TASOR2: variants seen among roughly 807,000 people sequenced by gnomAD.
TASOR2 encodes transcription activation suppressor family member 2, also known as protein TASOR 2.
A neutral mutation model predicts 199.5 loss-of-function variants in TASOR2; 84 were observed. The observed-to-expected ratio is 0.42, with a 90% CI of 0.35 to 0.50. TASOR2 has a LOEUF of 0.50. TASOR2 is among the 20% of genes least tolerant of loss of function. TASOR2 has a pLI of 0.02. For missense variants in TASOR2, 2,796 were observed against 2,835.9 expected, an observed-to-expected ratio of 0.99 and a Z score of 0.32; for synonymous variants, 1,103 against 1,046.6, an observed-to-expected ratio of 1.05 and a Z score of -1.04.
chr10:5,760,120 C>G (rs187732584), intron 18 of TASOR2, among the ~76,000 whole-genome samples: 33 of 152,294 alleles, frequency 2.2e-4, no homozygotes, highest in East Asian at 1.3e-3. Context: ...CTTACACAAA[C>G]TGATATGGTA....
In TASOR2 at chr10:5,716,823, G is replaced by C. The variant is rs114042925; in HGVS notation, c.-191-836G>C. 6.7e-3 allele frequency among the ~76,000 whole-genome samples: 1,014 copies of C among 151,862 alleles called. 19 individuals carry two copies. The highest frequency in any genetic ancestry group is 0.023 in the African/African-American group (968 of 41,440). On this transcript the variant is annotated intron_variant, in intron 2 of 20. Transcript: ENST00000328090. ...CCAGCTACTCAGGTGGCCAAGACTC[G>C]AGAGTTGCTTGAACTTGGGAGGCAG...
intron 11 of TASOR2, among the ~76,000 whole-genome samples, chr10:5,734,367 C>G (rs1051536065): frequency 2.0e-5 from 3 of 152,026 alleles, no homozygotes; most frequent in African/African-American, 7.3e-5. Flanking sequence ...TGCACACTTT[C>G]CTCAGGCTTC....
At chr10:5,704,937 T>C (rs1838383764) in intron 1 of TASOR2, among the ~76,000 whole-genome samples, 1 of 152,230 alleles carries the variant, frequency 6.6e-6, no homozygotes, top group South Asian at 2.1e-4. Flanking sequence ...ACTCTTGGAA[T>C]TTCCTTTGTG....
chr10:5,753,182 T>C (rs904783490), intron 15 of TASOR2, among the ~76,000 whole-genome samples: 1 of 152,204 alleles, frequency 6.6e-6, no homozygotes, highest in African/African-American at 2.4e-5. Context: ...TGACAGTCAC[T>C]GCCTTAACGT....
intron 1 of TASOR2, chr10:5,709,502 T>C (rs941023581): frequency 3.8e-5 from 46 of 1,221,008 alleles, no homozygotes; most frequent in Non-Finnish European, 4.5e-5. Flanking sequence ...TTGTTCACTT[T>C]ATGATTTTTT....
chr10:5,712,425 T>G, intron 1 of TASOR2: 1 of 1,231,722 alleles, frequency 8.1e-7, no homozygotes, highest in Non-Finnish European at 1.0e-6. Context: ...GTTCAGACTC[T>G]CTCTTCCAGA....
Position 5,751,853 on chromosome 10 carries a change from AGAG to A in TASOR2, c.6606+1830_6606+1832del, listed in dbSNP as rs1838088349. Among the ~76,000 whole-genome samples the A allele has an allele frequency of 6.6e-6, 1 of 152,226 alleles. No individual in the cohort carries two copies. The highest frequency in any genetic ancestry group is 1.5e-5 in the Non-Finnish European group (1 of 68,044). On this transcript the variant is annotated intron_variant, in intron 15 of 20. Coordinates refer to ENST00000328090, the Ensembl canonical transcript of TASOR2. This position sits in a 1 kb window ranked among gnomAD's most constrained non-coding sequence, Gnocchi z 5.3. ...CTATTTATGTATAAAAAGCAAAAAC[AGAG>A]GAGTTCACACTCATCCCCAATTCTA...
chr10:5,694,957 A>T (rs1026664197), intron 1 of TASOR2, among the ~76,000 whole-genome samples: 4 of 152,106 alleles, frequency 2.6e-5, no homozygotes, highest in African/African-American at 9.7e-5. Flanking sequence ...GTCCTGATGG[A>T]TTTACTTTGC....
chr10:5,711,684 G>A (rs578077959), intron 1 of TASOR2, among the ~76,000 whole-genome samples: 2 of 152,184 alleles, frequency 1.3e-5, no homozygotes, highest in East Asian at 3.9e-4. Flanking sequence ...ATTAGGAAAC[G>A]TGCCTCTCAT....
chr10:5,693,584 T>A (rs1306426196), intron 1 of TASOR2, among the ~76,000 whole-genome samples: 1 of 152,214 alleles, frequency 6.6e-6, no homozygotes, highest in Non-Finnish European at 1.5e-5. Flanking sequence ...AAAAAAAACC[T>A]GTAACTTCAG....
chr10:5,761,376 G>A, exon 19 of TASOR2: 1 of 1,613,994 alleles, frequency 6.2e-7, no homozygotes. Context: ...TATCACCAGT[G>A]TGACTCTCGA....
intron 2 of TASOR2, 40 bp downstream of exon 2, chr10:5,712,958 G>A (rs1832105107): frequency 3.1e-6 from 3 of 958,890 alleles, no homozygotes; most frequent in Admixed American, 4.3e-5. Flanking sequence ...GGTATCATTA[G>A]TCTTAAGTAT....
chr10:5,763,186 T>G, exon 21 of TASOR2: 1 of 674,764 alleles, frequency 1.5e-6, no homozygotes, highest in Non-Finnish European at 2.4e-6. Flanking sequence ...TTTTATATTT[T>G]GCTGAAATAT....
At chr10:5,704,601 A>G (rs1233551056) in intron 1 of TASOR2, among the ~76,000 whole-genome samples, 2 of 152,050 alleles carry the variant, frequency 1.3e-5, no homozygotes, top group African/African-American at 4.8e-5. Context: ...CGGTTTAATT[A>G]ATATCTGATC....
At chr10:5,746,264 C>T in exon 15 of TASOR2, 1 of 1,613,846 alleles carries the variant, frequency 6.2e-7, no homozygotes, top group Non-Finnish European at 8.5e-7. Flanking sequence ...ACTAATGGAC[C>T]TTCTGTTCCT....
Position 5,698,781 on chromosome 10 carries a change from TACC to T in TASOR2, c.-288+13609_-288+13611del. Among the ~76,000 whole-genome samples, 1 of 152,338 alleles carries T rather than the reference TACC, an allele frequency of 6.6e-6. No individual in the cohort carries two copies. The highest frequency in any genetic ancestry group is 1.5e-5 in the Non-Finnish European group (1 of 68,016). On this transcript the variant is annotated intron_variant, in intron 1 of 20. Coordinates refer to ENST00000328090, the Ensembl canonical transcript of TASOR2. This position sits in a 1 kb window ranked among gnomAD's most constrained non-coding sequence, Gnocchi z 4.4. Reference sequence around the variant, plus strand: ...ATACAAATTTTAAAATAAATTTATATACCACATCATACCCATTAAGATAGCTGT... The same window carrying T: ...ATACAAATTTTAAAATAAATTTATATACATCATACCCATTAAGATAGCTGT...
rs1170345131 is a variant in TASOR2 at position 5,706,508 on chromosome 10, GA to G, written c.-287-6311del. ...TCCAGAAAGGTCCTTCCAAAAAAAA[GA>G]AAAGAAGCTGCTCAAAACAGACAAA... On this transcript the variant is annotated intron_variant, in intron 1 of 20. Coordinates refer to ENST00000328090, the Ensembl canonical transcript of TASOR2. The surrounding 1 kb of genome is among the most constrained non-coding windows in gnomAD (Gnocchi z 4.8). Among the ~76,000 whole-genome samples, 1 of 152,114 alleles carries G rather than the reference GA, an allele frequency of 6.6e-6. No homozygotes were observed. The highest frequency in any genetic ancestry group is 2.4e-5 in the African/African-American group (1 of 41,418).
chr10:5,720,965 A>C lies in TASOR2; in HGVS notation c.141A>C (p.Thr47=). The C allele has an allele frequency of 6.2e-7, 1 of 1,610,122 alleles. No individual in the cohort carries two copies. The highest frequency in any genetic ancestry group is 8.5e-7 in the Non-Finnish European group (1 of 1,177,762). ...CCACTTACGGTGCAATGATTCCAAC[A>C]CAGCTGTAAGTATTAAATGTTATGT... is the stretch of plus-strand genomic sequence containing the variant. The change falls in exon 6 of 21, where the codon ACA becomes ACC. Residue 47 remains threonine (T), a synonymous_variant. Coordinates refer to ENST00000328090, the Ensembl canonical transcript of TASOR2. This position sits in a 1 kb window ranked among gnomAD's most constrained non-coding sequence, Gnocchi z 5.3.
At chr10:5,741,043 C>CT (rs2131614537) in intron 13 of TASOR2, among the ~76,000 whole-genome samples, 1 of 152,322 alleles carries the variant, frequency 6.6e-6, no homozygotes, top group African/African-American at 2.4e-5. Flanking sequence ...CTTTCCCTTT[C>CT]TTACCTCCTG....
Sources: allele counts gnomAD v4.1 joint callset (sites outside exome capture counted in the v4.1 genomes callset), GRCh38; gene constraint gnomAD v4.1.1; non-coding constraint Gnocchi (gnomAD v3.1); transcripts MANE v1.5; gene names NCBI Gene and HGNC (gene_info 2026-07-23, HGNC 2026-07-21).